The following SLIT3 variants were observed in gnomAD, a reference collection of about 807,000 sequenced individuals.
The protein encoded by SLIT3 is slit guidance ligand 3.
SLIT3 carries 68 observed loss-of-function variants against 184.0 expected under a neutral mutation model. That is an observed-to-expected ratio of 0.37 (90% CI 0.30 to 0.45). The LOEUF is 0.45. SLIT3 is among the 20% of genes least tolerant of loss of function. The pLI is 1.00. For synonymous variants in SLIT3, 831 were observed against 828.6 expected (o/e 1.00, Z -0.05); for missense variants, 1,707 against 2,026.0 (o/e 0.84, Z 3.02).
At chr5:168,761,198 G>A (rs181527699) in intron 15 of SLIT3, among the ~76,000 whole-genome samples, 27 of 152,256 alleles carry the variant, frequency 1.8e-4, no homozygotes, top group African/African-American at 6.3e-4. Context: ...GTGGGCATGC[G>A]TTGTTTTCAG....
At chr5:169,260,442 C>T (rs563402837) in intron 1 of SLIT3, among the ~76,000 whole-genome samples, 5 of 152,288 alleles carry the variant, frequency 3.3e-5, no homozygotes, top group South Asian at 2.1e-4. Flanking sequence ...AGACCGAGGA[C>T]GGGGTATTCG....
intron 6 of SLIT3, among the ~76,000 whole-genome samples, chr5:168,842,614 C>G (rs1020609274): frequency 6.6e-6 from 1 of 152,086 alleles, no homozygotes; most frequent in South Asian, 2.1e-4. Flanking sequence ...CTATGTAGTA[C>G]ATACACTGTC....
intron 1 of SLIT3, among the ~76,000 whole-genome samples, chr5:169,295,786 G>T (rs1475329153): frequency 6.6e-6 from 1 of 152,056 alleles, no homozygotes; most frequent in African/African-American, 2.4e-5. Flanking sequence ...CAATCAAAAC[G>T]GCAAAAATGC....
intron 4 of SLIT3, among the ~76,000 whole-genome samples, chr5:168,945,837 G>C (rs993467626): frequency 6.6e-6 from 1 of 152,198 alleles, no homozygotes; most frequent in South Asian, 2.1e-4. Context: ...AAAGAGGGCA[G>C]TGGTTCCACT....
chr5:169,014,901 A>G (rs1756304831), intron 4 of SLIT3, among the ~76,000 whole-genome samples: 1 of 152,202 alleles, frequency 6.6e-6, no homozygotes, highest in African/African-American at 2.4e-5. Context: ...CAGTGAGCTG[A>G]TATCATGCCA....
intron 9 of SLIT3, among the ~76,000 whole-genome samples, chr5:168,797,280 G>A (rs1756599130): frequency 6.6e-6 from 1 of 152,164 alleles, no homozygotes; most frequent in African/African-American, 2.4e-5. Flanking sequence ...TCTTAGCCAA[G>A]GCAGCAGCTC....
At chr5:169,054,955 T>C (rs763571310) in intron 4 of SLIT3, among the ~76,000 whole-genome samples, 1 of 152,168 alleles carries the variant, frequency 6.6e-6, no homozygotes, top group Non-Finnish European at 1.5e-5. Flanking sequence ...CTTTTCCAGA[T>C]CTTGAATTCT....
At chr5:168,897,646 G>GCACA in intron 4 of SLIT3, among the ~76,000 whole-genome samples, 3,608 of 105,284 alleles carry the variant, frequency 0.034, 78 homozygotes, top group Non-Finnish European at 0.05. Flanking sequence ...ACAGGTGCAC[G>GCACA]TACACACACA....
At chr5:169,035,985 G>A (rs1057226316) in intron 4 of SLIT3, 10 of 152,098 alleles carry the variant, frequency 6.6e-5, no homozygotes, top group African/African-American at 2.4e-4. Context: ...ACATTTTATT[G>A]ATGTGAAAAT....
intron 4 of SLIT3, among the ~76,000 whole-genome samples, chr5:168,944,253 G>A (rs937111599): frequency 4.6e-4 from 70 of 152,222 alleles, no homozygotes; most frequent in African/African-American, 1.6e-3. Context: ...CCAATGGGGC[G>A]GGGAGAGTCA....
At chr5:169,197,266 G>A (rs1426011582) in intron 3 of SLIT3, among the ~76,000 whole-genome samples, 2 of 152,128 alleles carry the variant, frequency 1.3e-5, no homozygotes, top group Non-Finnish European at 2.9e-5. Flanking sequence ...AAAGCCTTGG[G>A]ACCTTTCCAC....
chr5:168,878,273 C>T lies in SLIT3; in HGVS notation c.485+4992G>A, dbSNP rs371012212. Among the ~76,000 whole-genome samples, 12 of 152,316 alleles carry T rather than the reference C, an allele frequency of 7.9e-5. No homozygotes were observed. In the South Asian group the frequency reaches 1.5e-3, roughly 18 times the overall value. ...GTAGAGTGGCATCCCCAGATAATTA[C>T]GTTCTCTCTCTTCTCTGGAGAAGCA... On this transcript the variant is annotated intron_variant, in intron 5 of 35. Coordinates refer to ENST00000519560, the MANE Select transcript of SLIT3 (RefSeq NM_003062.4).
intron 4 of SLIT3, among the ~76,000 whole-genome samples, chr5:169,147,565 C>A (rs1200097645): frequency 6.6e-6 from 1 of 152,168 alleles, no homozygotes; most frequent in African/African-American, 2.4e-5. Flanking sequence ...GGCCATAAAT[C>A]AATATTTGAT....
chr5:168,883,315 G>T lies in SLIT3; in HGVS notation c.435C>A (p.Ile145=). 1 of 1,613,972 alleles carries T rather than the reference G, an allele frequency of 6.2e-7. No individual in the cohort carries two copies. The highest frequency in any genetic ancestry group is 8.5e-7 in the Non-Finnish European group (1 of 1,179,880). ...GGAACGCCTTCCTCGGGATCCCCTG[G>T]ATCTGGTTTTCACTCAAATCTCTAA... The part of the protein sequence containing the change: ...LTRLDLSENQ[I]QGIPRKAFRG... Residue 145 remains isoleucine (I), a synonymous_variant, in exon 5 of 36, where the codon ATC becomes ATA. Coordinates refer to ENST00000519560, the MANE Select transcript of SLIT3 (RefSeq NM_003062.4).
At chr5:168,891,960 G>C (rs1026019421) in intron 4 of SLIT3, among the ~76,000 whole-genome samples, 1 of 152,150 alleles carries the variant, frequency 6.6e-6, no homozygotes, top group Admixed American at 6.5e-5. Flanking sequence ...ATAACTCTCT[G>C]TGCCAGCCAA....
At chr5:168,943,711 T>C (rs115493868) in intron 4 of SLIT3, among the ~76,000 whole-genome samples, 3,493 of 152,346 alleles carry the variant, frequency 0.023, 130 homozygotes, top group African/African-American at 0.078. Flanking sequence ...TCTCTCTATA[T>C]GTGCACATAT....
intron 4 of SLIT3, among the ~76,000 whole-genome samples, chr5:169,116,672 C>G (rs919914466): frequency 2.6e-5 from 4 of 152,154 alleles, no homozygotes; most frequent in African/African-American, 9.7e-5. Flanking sequence ...ATTATGTTTC[C>G]TTCTACCACA....
intron 23 of SLIT3, among the ~76,000 whole-genome samples, chr5:168,719,298 C>T (rs111955931): frequency 0.15 from 22,365 of 152,184 alleles, 2,270 homozygotes; most frequent in Non-Finnish European, 0.22. Flanking sequence ...GTGATCCACC[C>T]GTCTTGGCCT....
chr5:169,283,364 G>A (rs1001120377), intron 1 of SLIT3, among the ~76,000 whole-genome samples: 2 of 152,170 alleles, frequency 1.3e-5, no homozygotes, highest in Non-Finnish European at 2.9e-5. Context: ...CTATGCTTTT[G>A]AAAGTGCTTA....
Sources: allele counts gnomAD v4.1 joint callset (sites outside exome capture counted in the v4.1 genomes callset), GRCh38; gene constraint gnomAD v4.1.1; transcripts MANE v1.5; gene names NCBI Gene and HGNC (gene_info 2026-07-23, HGNC 2026-07-21).